Variants in TMEM161A observed in about 807,000 individuals in gnomAD.
TMEM161A encodes adaptive response to oxidative stress protein 29.
In TMEM161A, 46 loss-of-function variants were observed where a neutral mutation model predicts 57.1. The observed-to-expected ratio is 0.81, with a 90% CI of 0.64 to 1.03. The LOEUF (loss-of-function observed/expected upper bound fraction) is 1.03, where lower values mean the gene tolerates loss of function less well. Among genes scored for constraint, TMEM161A ranks in the 50% least tolerant of loss-of-function variants. TMEM161A has a pLI of 0.00. For missense variants in TMEM161A, 601 were observed against 621.5 expected (o/e 0.97, Z 0.35); for synonymous variants, 288 against 279.0 (o/e 1.03, Z -0.32).
intron 6 of TMEM161A, among the ~76,000 whole-genome samples, chr19:19,125,535 T>TA (rs1555771912): frequency 3.4e-5 from 5 of 145,590 alleles, no homozygotes; most frequent in Admixed American, 2.7e-4. Flanking sequence ...TTTTTTTTTT[T>TA]AGACGGAGTC....
Position 19,121,695 on chromosome 19 carries a change from G to GC in TMEM161A, c.657-28dup. 1 of 1,612,442 alleles carries GC rather than the reference G, an allele frequency of 6.2e-7. No individual in the cohort carries two copies. The highest frequency in any genetic ancestry group is 8.5e-7 in the Non-Finnish European group (1 of 1,178,708). Reference sequence around the variant, plus strand: ...TAGGAGAACACCAGGTCACGAGCCTGCCTGGGGGACCCTGGGAGGGTCCCA... The same window carrying GC: ...TAGGAGAACACCAGGTCACGAGCCTGCCCTGGGGGACCCTGGGAGGGTCCCA... On this transcript the variant is annotated intron_variant, in intron 7 of 11. Transcript: ENST00000162044. This position sits in a 1 kb window ranked among gnomAD's most constrained non-coding sequence, Gnocchi z 5.8.
At position 19,121,160 on chromosome 19, in the gene TMEM161A, G is replaced by C. The variant is rs755853561; in HGVS notation, c.921C>G (p.Ser307=). ...PFGETRFSLL[S]DSAFDSGRLW... is the part of the protein sequence containing the mutation. ...GGCGCCCAGAGTCGAAGGCAGAATC[G>C]GACAGCCTGTGCGGAGAGGGCCGGG... Residue 307 remains serine, a synonymous_variant, in exon 10 of 12, where the codon TCC becomes TCG. Coordinates refer to ENST00000162044, the MANE Select transcript of TMEM161A (RefSeq NM_017814.3). This position sits in a 1 kb window ranked among gnomAD's most constrained non-coding sequence, Gnocchi z 5.8. 1.7e-5 allele frequency: 28 copies of C among 1,604,912 alleles called. No homozygotes were observed. Among genetic ancestry groups the C allele is most frequent in the Non-Finnish European group, 2.0e-5 (23 of 1,175,748 alleles).
chr19:19,123,042 A>G (rs1024183069), intron 6 of TMEM161A, among the ~76,000 whole-genome samples: 2 of 152,234 alleles, frequency 1.3e-5, no homozygotes, highest in African/African-American at 4.8e-5. Flanking sequence ...AACTGTAAGT[A>G]TTGAAATAAT....
chr19:19,135,157 G>T (rs1426746244), intron 1 of TMEM161A, among the ~76,000 whole-genome samples: 1 of 152,020 alleles, frequency 6.6e-6, no homozygotes, highest in Admixed American at 6.6e-5. Flanking sequence ...TCCCGCCTCC[G>T]CTATGGATTC....
chr19:19,125,674 G>A lies in TMEM161A; in HGVS notation c.596-3855C>T, dbSNP rs369467037. Among the ~76,000 whole-genome samples, 5 of 151,226 alleles carry A rather than the reference G, an allele frequency of 3.3e-5. No homozygotes were observed. The East Asian group carries it at 8.0e-4, about 24-fold the overall frequency. ...TGGGACTACAGGCGCCTGCCACCAC[G>A]CCTGGCTAATTTTTTGTATTTTTAG... On this transcript the variant is annotated intron_variant, in intron 6 of 11. Transcript: ENST00000162044.
In TMEM161A at chr19:19,121,504, C is replaced by T; in HGVS notation, c.800+21G>A. 1 of 1,613,510 alleles carries T rather than the reference C, an allele frequency of 6.2e-7. No homozygotes were observed. The highest frequency in any genetic ancestry group is 1.1e-5 in the South Asian group (1 of 91,080). ...CCCTTAAGCTCCCTAGTCCCCCCAC[C>T]CACCAAGCGACCCACTTAACTGCAG... On this transcript the variant is annotated intron_variant, in intron 8 of 11. Transcript: ENST00000162044. The surrounding 1 kb of genome is among the most constrained non-coding windows in gnomAD (Gnocchi z 5.8).
intron 5 of TMEM161A, among the ~76,000 whole-genome samples, chr19:19,131,481 TAC>T (rs138083325): frequency 0.024 from 3,177 of 131,982 alleles, 94 homozygotes; most frequent in African/African-American, 0.082. Context: ...TGTACATACA[TAC>T]ACACACACAC....
chr19:19,135,001 C>G (rs2059978558), intron 1 of TMEM161A, 114 bp from the exon 2 acceptor site: 1 of 727,502 alleles, frequency 1.4e-6, no homozygotes. Flanking sequence ...AAGGGCGAGC[C>G]TCTTAGGCTC....
intron 1 of TMEM161A, among the ~76,000 whole-genome samples, chr19:19,136,743 G>A (rs1256769771): frequency 2.6e-5 from 4 of 152,142 alleles, no homozygotes; most frequent in South Asian, 2.1e-4. Flanking sequence ...CTTGTAAACT[G>A]AGACCAGAAA....
At chr19:19,128,923 GA>G (rs2059944367) in intron 6 of TMEM161A, among the ~76,000 whole-genome samples, 1 of 151,838 alleles carries the variant, frequency 6.6e-6, no homozygotes, top group Non-Finnish European at 1.5e-5. Flanking sequence ...TTACCACAAT[GA>G]AAAAAAATTC....
chr19:19,128,433 T>C (rs1429096437), intron 6 of TMEM161A, among the ~76,000 whole-genome samples: 1 of 151,942 alleles, frequency 6.6e-6, no homozygotes, highest in Non-Finnish European at 1.5e-5. Context: ...GGTTTCACCA[T>C]GTTAGCCAGG....
intron 6 of TMEM161A, among the ~76,000 whole-genome samples, chr19:19,123,848 TC>T (rs750958349): frequency 6.6e-6 from 1 of 151,978 alleles, no homozygotes; most frequent in Non-Finnish European, 1.5e-5. Context: ...GATCACAAAG[TC>T]AGGAGTTCGA....
At chr19:19,133,029 G>A (rs1009696704) in intron 3 of TMEM161A, 101 bp downstream of exon 3, 22 of 1,106,294 alleles carry the variant, frequency 2.0e-5, no homozygotes, top group Admixed American at 9.9e-5. Flanking sequence ...TGGGTGGGCC[G>A]GTCCTGTGTC....
chr19:19,127,487 T>C (rs1327170341), intron 6 of TMEM161A, among the ~76,000 whole-genome samples: 1 of 150,914 alleles, frequency 6.6e-6, no homozygotes, highest in Non-Finnish European at 1.5e-5. Context: ...ACCCGGCTAA[T>C]TTTTTGTATT....
chr19:19,121,357 C>G lies in TMEM161A; in HGVS notation c.865G>C (p.Ala289Pro). 6.2e-7 allele frequency: 1 copy of G among 1,601,152 alleles called. No individual in the cohort carries two copies. Among genetic ancestry groups the G allele is most frequent in the Non-Finnish European group, 8.5e-7 (1 of 1,174,346 alleles). ...FILWLWTKPI[A>P]RDFLHQPPFG... is the part of the protein sequence containing the mutation. Reference sequence around the variant, plus strand: ...GGCGGCTGGTGCAGGAAGTCCCGTGCAATGGGCTTTGTCCAGAGCCACAGG... The same window carrying G: ...GGCGGCTGGTGCAGGAAGTCCCGTGGAATGGGCTTTGTCCAGAGCCACAGG... Residue 289 changes from alanine (A) to proline (P), a missense_variant, in exon 9 of 12, where the codon GCA becomes CCA. Coordinates refer to ENST00000162044, the MANE Select transcript of TMEM161A (RefSeq NM_017814.3). The surrounding 1 kb of genome is among the most constrained non-coding windows in gnomAD (Gnocchi z 5.8).
Position 19,121,301 on chromosome 19 carries a change from T to TA in TMEM161A, c.914+6dup. The TA allele has an allele frequency of 6.4e-7, 1 of 1,557,930 alleles. No individual in the cohort carries two copies. Among genetic ancestry groups the TA allele is most frequent in the Non-Finnish European group, 8.7e-7 (1 of 1,150,600 alleles). ...CCAGCTACCTCCTAGCCCCACCCAA[T>TA]ACGCACAGGGAGAAACGCGTCTCCC... is the stretch of plus-strand genomic sequence containing the variant. On this transcript the variant is annotated splice_region_variant and intron_variant, in intron 9 of 11. Transcript: ENST00000162044. This position sits in a 1 kb window ranked among gnomAD's most constrained non-coding sequence, Gnocchi z 5.8.
chr19:19,133,035 G>T, intron 3 of TMEM161A, 95 bp downstream of exon 3: 1 of 1,223,658 alleles, frequency 8.2e-7, no homozygotes, highest in Non-Finnish European at 1.2e-6. Context: ...GGCCGGTCCT[G>T]TGTCCCTGAG....
Position 19,119,634 on chromosome 19 carries a change from G to A in TMEM161A, c.*296C>T, listed in dbSNP as rs888093228. The stretch of plus-strand genomic sequence containing the variant: ...AGACCCTGTTTGTAAAAATCGGCAT[G>A]CTCCTTTATTTGTTCAGAAGAGCAG... On this transcript the variant is annotated 3_prime_UTR_variant, in exon 12 of 12. Transcript: ENST00000162044. The A allele has an allele frequency of 1.4e-5, 6 of 425,562 alleles. 1 individual carries two copies. The Admixed American group carries it at 2.1e-4, about 15-fold the overall frequency. 26.4% of individuals were successfully genotyped at this position (425,562 alleles called of 1,614,324 possible).
chr19:19,121,148 G>A lies in TMEM161A; in HGVS notation c.933C>T (p.Phe311=). ...TRFSLLSDSA[F]DSGRLWLLVV... is the part of the protein sequence containing the mutation. ...CCAGCAACCAGAGGCGCCCAGAGTC[G>A]AAGGCAGAATCGGACAGCCTGTGCG... The change falls in exon 10 of 12, where the codon TTC becomes TTT. Residue 311 remains phenylalanine, a synonymous_variant. Transcript: ENST00000162044. The surrounding 1 kb of genome is among the most constrained non-coding windows in gnomAD (Gnocchi z 5.8). 2 of 1,608,308 alleles carry A rather than the reference G, an allele frequency of 1.2e-6. No homozygotes were observed. The highest frequency in any genetic ancestry group is 8.5e-7 in the Non-Finnish European group (1 of 1,177,578).
Sources: allele counts gnomAD v4.1 joint callset (sites outside exome capture counted in the v4.1 genomes callset), GRCh38; gene constraint gnomAD v4.1.1; non-coding constraint Gnocchi (gnomAD v3.1); transcripts MANE v1.5; gene names NCBI Gene and HGNC (gene_info 2026-07-23, HGNC 2026-07-21).